BCKDHB: variants seen among roughly 807,000 people sequenced by gnomAD.
BCKDHB encodes the protein branched chain keto acid dehydrogenase E1 subunit beta.
BCKDHB carries 41 observed loss-of-function variants against 48.5 expected under a neutral mutation model. The ratio of observed to expected loss-of-function variants is 0.85; its 90% CI spans 0.66 to 1.10. The LOEUF (loss-of-function observed/expected upper bound fraction) is 1.10. Among genes scored for constraint, BCKDHB ranks in the 50% least tolerant of loss-of-function variants. BCKDHB has a pLI of 0.00. For synonymous variants in BCKDHB, 201 were observed against 174.8 expected (o/e 1.15, Z -1.18); for missense variants, 496 against 494.2 (o/e 1.00, Z -0.03).
intron 8 of BCKDHB, among the ~76,000 whole-genome samples, chr6:80,235,719 C>A (rs1029646906): frequency 2.6e-5 from 4 of 152,198 alleles, no homozygotes; most frequent in African/African-American, 7.2e-5. Flanking sequence ...ATTCTCCTTG[C>A]AGTTGCTTGT....
At chr6:80,426,899 A>G in the BCKDHB span, among the ~76,000 whole-genome samples, 6 of 152,244 alleles carry the variant, frequency 3.9e-5, no homozygotes, top group Admixed American at 3.9e-4. Context: ...TCGTTCTACC[A>G]TCAGTTGCTG....
At chr6:80,219,958 C>T (rs1391822433) in intron 8 of BCKDHB, among the ~76,000 whole-genome samples, 1 of 152,088 alleles carries the variant, frequency 6.6e-6, no homozygotes, top group African/African-American at 2.4e-5. Context: ...TTTTTTGATA[C>T]ATTTTATACT....
chr6:80,114,482 C>T (rs368906961), intron 1 of BCKDHB, among the ~76,000 whole-genome samples: 14 of 151,878 alleles, frequency 9.2e-5, no homozygotes, highest in African/African-American at 3.4e-4. Flanking sequence ...CTCCTGGGCT[C>T]AAGCAGTCCT....
intron 8 of BCKDHB, among the ~76,000 whole-genome samples, chr6:80,245,239 A>G (rs1233260933): frequency 6.6e-6 from 1 of 152,174 alleles, no homozygotes; most frequent in Admixed American, 6.5e-5. Context: ...AAGAAACCCA[A>G]CAATTTCAGT....
intron 8 of BCKDHB, among the ~76,000 whole-genome samples, chr6:80,227,835 A>C (rs1775743872): frequency 6.6e-6 from 1 of 152,176 alleles, no homozygotes; most frequent in African/African-American, 2.4e-5. Context: ...TAATAAGAGT[A>C]ATTCTGTGAC....
At chr6:80,209,081 G>A (rs1318261278) in intron 8 of BCKDHB, among the ~76,000 whole-genome samples, 1 of 151,868 alleles carries the variant, frequency 6.6e-6, no homozygotes, top group African/African-American at 2.4e-5. Flanking sequence ...TACCTTGGTA[G>A]TGCAAGAGAA....
At chr6:80,283,642 C>T (rs997265645) in intron 9 of BCKDHB, among the ~76,000 whole-genome samples, 7 of 151,920 alleles carry the variant, frequency 4.6e-5, no homozygotes, top group African/African-American at 1.2e-4. Context: ...ATGACTTGGT[C>T]CCTTTTTGTT....
chr6:80,465,351 C>T, the BCKDHB span, among the ~76,000 whole-genome samples: 5,312 of 152,276 alleles, frequency 0.035, 326 homozygotes, highest in African/African-American at 0.12. Context: ...TGATTTATTT[C>T]TCTTTTTACA....
intron 9 of BCKDHB, among the ~76,000 whole-genome samples, chr6:80,319,826 A>C (rs1768625255): frequency 6.6e-6 from 1 of 152,194 alleles, no homozygotes; most frequent in Non-Finnish European, 1.5e-5. Flanking sequence ...AATAAAAGTG[A>C]AGTTCAAAGT....
rs1770135995 is a variant in BCKDHB at position 80,345,075 on chromosome 6, T to C, written c.*1271T>C. On this transcript the variant is annotated 3_prime_UTR_variant, in exon 10 of 10. Transcript: ENST00000320393. ...TGAATATTTTTTACATAATGGATAA[T>C]AAATGGTATTTATTCATCATGATTT... The C allele has an allele frequency of 1.3e-5, 2 of 152,238 alleles. No individual in the cohort carries two copies. The allele number at this position is 152,238 out of a possible 1,614,324, so 9.4% of individuals were successfully genotyped here.
intron 2 of BCKDHB, 25 bp from the exon 3 acceptor site, chr6:80,129,136 G>A: frequency 6.8e-7 from 1 of 1,468,986 alleles, no homozygotes; most frequent in African/African-American, 1.4e-5. Context: ...TAAATAAAAT[G>A]TATTATTTAA....
At chr6:80,456,060 C>A in the BCKDHB span, among the ~76,000 whole-genome samples, 1 of 151,818 alleles carries the variant, frequency 6.6e-6, no homozygotes, top group Non-Finnish European at 1.5e-5. Context: ...ACTAAAAATA[C>A]AAAAATTAGT....
intron 9 of BCKDHB, among the ~76,000 whole-genome samples, chr6:80,279,178 T>G (rs1778094020): frequency 1.3e-5 from 2 of 151,952 alleles, no homozygotes. Context: ...GACAGAGTCT[T>G]GCTCTGGCTC....
the BCKDHB span, among the ~76,000 whole-genome samples, chr6:80,413,157 T>A: frequency 5.3e-5 from 8 of 152,178 alleles, no homozygotes; most frequent in Non-Finnish European, 1.2e-4. Context: ...TACTTGATGG[T>A]GCCCTATAAA....
chr6:80,145,715 C>T (rs1020932752), intron 3 of BCKDHB, among the ~76,000 whole-genome samples: 1 of 152,142 alleles, frequency 6.6e-6, no homozygotes, highest in East Asian at 1.9e-4. Flanking sequence ...GATTACAAGA[C>T]AGTAGTGGGC....
intron 8 of BCKDHB, among the ~76,000 whole-genome samples, chr6:80,249,527 A>G (rs189720792): frequency 3.3e-5 from 5 of 152,318 alleles, no homozygotes; most frequent in African/African-American, 4.8e-5. Context: ...AAAAGGGGTG[A>G]CCAGGACATG....
chr6:80,138,570 T>G (rs997242309), intron 3 of BCKDHB, among the ~76,000 whole-genome samples: 2 of 152,132 alleles, frequency 1.3e-5, no homozygotes, highest in African/African-American at 4.8e-5. Flanking sequence ...TGCGATAGTT[T>G]ACTGAGAATG....
the BCKDHB span, among the ~76,000 whole-genome samples, chr6:80,364,593 C>T: frequency 1.4e-4 from 21 of 151,934 alleles, no homozygotes; most frequent in Admixed American, 4.6e-4. Flanking sequence ...CTTTTTTCTT[C>T]GAGACTCTTT....
Position 80,335,216 on chromosome 6 carries a change from T to G in BCKDHB, c.1039-8448T>G, listed in dbSNP as rs531206097. 6.9e-5 allele frequency among the ~76,000 whole-genome samples: 9 copies of G among 129,890 alleles called. No homozygotes were observed. The Admixed American group carries it at 7.1e-4, about 10-fold the overall frequency. The allele number at this position is 129,890 out of a possible 152,430, so 85.2% of individuals were successfully genotyped here. A position where few individuals can be genotyped will look rare whatever the true frequency, so the allele number is the denominator to read the frequency against. ...ATTTGGTGGTGTTAAGACTGCTAGA[T>G]GAAGAATTTTGTGGGAAAAAAAAAA... On this transcript the variant is annotated intron_variant, in intron 9 of 9. Transcript: ENST00000320393.
Sources: gnomAD v4.1 joint callset for allele counts (sites outside exome capture counted in the v4.1 genomes callset) on GRCh38, gnomAD v4.1.1 for gene constraint, MANE v1.5 for transcripts, NCBI Gene and HGNC (gene_info 2026-07-23, HGNC 2026-07-21) for gene names.